Variants in PIWIL4 observed in about 807,000 individuals in gnomAD.
The protein encoded by PIWIL4 is piwi-like protein 4.
A neutral mutation model predicts 100.9 loss-of-function variants in PIWIL4; 50 were observed. The observed-to-expected ratio is 0.50, with a 90% CI of 0.39 to 0.63. The LOEUF is 0.63. PIWIL4 is among the 20% of genes least tolerant of loss of function. The pLI is 0.00. For missense variants in PIWIL4, 887 were observed against 1,043.3 expected, an observed-to-expected ratio of 0.85 and a Z score of 2.06; for synonymous variants, 342 against 367.5, an observed-to-expected ratio of 0.93 and a Z score of 0.79.
intron 11 of PIWIL4, among the ~76,000 whole-genome samples, chr11:94,600,567 C>T (rs766762809): frequency 7.9e-5 from 12 of 152,048 alleles, no homozygotes; most frequent in Non-Finnish European, 1.5e-4. Flanking sequence ...ATCACAGGAC[C>T]GGGCGAAATT....
At chr11:94,597,744 C>T (rs549157088) in intron 10 of PIWIL4, 60 bp from the exon 11 acceptor site, 40 of 1,228,408 alleles carry the variant, frequency 3.3e-5, no homozygotes, top group African/African-American at 4.6e-5. Context: ...CAGCCCCTGA[C>T]GAATTCAGTA....
At chr11:94,575,227 C>A in intron 3 of PIWIL4, 97 bp downstream of exon 3, 1 of 1,263,746 alleles carries the variant, frequency 7.9e-7, no homozygotes, top group Non-Finnish European at 1.1e-6. Context: ...CATATGTTTG[C>A]TTAACAGATA....
chr11:94,611,172 T>C (rs1424920183), intron 15 of PIWIL4, among the ~76,000 whole-genome samples: 1 of 152,218 alleles, frequency 6.6e-6, no homozygotes. Context: ...TTGATTATTA[T>C]GGCTTTGTAA....
intron 4 of PIWIL4, among the ~76,000 whole-genome samples, chr11:94,578,335 A>G (rs1250888904): frequency 6.6e-6 from 1 of 152,242 alleles, no homozygotes; most frequent in Non-Finnish European, 1.5e-5. Context: ...CAAGCGTTGA[A>G]TGGAAAGTTT....
intron 2 of PIWIL4, among the ~76,000 whole-genome samples, chr11:94,569,365 GTT>G (rs201730286): frequency 0.013 from 1,886 of 147,724 alleles, 42 homozygotes; most frequent in African/African-American, 0.045. Context: ...ATTATCTTTT[GTT>G]TTTTTTTTTT....
rs1948644252 is a variant in PIWIL4, at chr11:94,601,681, A to G, written c.1381-114A>G. On this transcript the variant is annotated intron_variant, in intron 11 of 19. Transcript: ENST00000299001. ...GCCTGCATCTGTGTTTTAAGACTGAATAGCAAACTGTGTTAAACAGTTATA... is the reference window on the plus strand; with the variant it reads ...GCCTGCATCTGTGTTTTAAGACTGAGTAGCAAACTGTGTTAAACAGTTATA... The G allele has an allele frequency of 3.0e-6, 3 of 1,012,798 alleles. No homozygotes were observed. The South Asian group carries it at 4.0e-5, about 13-fold the overall frequency. The allele number at this position is 1,012,798 out of a possible 1,614,324, so 62.7% of individuals were successfully genotyped here.
At position 94,619,814 on chromosome 11, in the gene PIWIL4, C is replaced by T. The variant is rs561220038; in HGVS notation, c.2223C>T (p.Thr741=). 20 of 1,614,082 alleles carry T rather than the reference C, an allele frequency of 1.2e-5. No individual in the cohort carries two copies. Among genetic ancestry groups the T allele is most frequent in the Middle Eastern group, 1.6e-4 (1 of 6,062 alleles). The change falls in exon 18 of 20, where the codon ACC becomes ACT. Residue 741 remains threonine, a synonymous_variant. Transcript: ENST00000299001. ...AGAAGTGCATGCCACGATTCTTTAC[C>T]GAAATGAACCGCACTGTACAGAACC... ...VRKKCMPRFF[T]EMNRTVQNPP... is the part of the protein sequence containing the mutation.
At position 94,589,102 on chromosome 11, in the gene PIWIL4, G is replaced by A. The variant is rs769777036; in HGVS notation, c.915-19G>A. On this transcript the variant is annotated intron_variant, in intron 7 of 19. Coordinates refer to ENST00000299001, the MANE Select transcript of PIWIL4 (RefSeq NM_152431.3). ...TTAGATGATTAAAAAACAATTTAAA[G>A]ACTTTTTATATTTGGCAGATACAAT... is the stretch of plus-strand genomic sequence containing the variant. 2.4e-5 allele frequency: 38 copies of A among 1,557,338 alleles called. No homozygotes were observed. Among genetic ancestry groups the A allele is most frequent in the Non-Finnish European group, 3.0e-5 (34 of 1,132,204 alleles).
chr11:94,595,752 A>G (rs1216980434), intron 10 of PIWIL4, among the ~76,000 whole-genome samples: 1 of 152,236 alleles, frequency 6.6e-6, no homozygotes, highest in East Asian at 1.9e-4. Flanking sequence ...CAAGCAAACA[A>G]AGCAACCAGA....
chr11:94,578,579 G>A (rs1364190905), intron 4 of PIWIL4, among the ~76,000 whole-genome samples: 1 of 152,066 alleles, frequency 6.6e-6, no homozygotes, highest in Non-Finnish European at 1.5e-5. Flanking sequence ...TTTCTTTGGG[G>A]CATTGTTCCC....
chr11:94,576,864 G>A (rs1395485362), intron 3 of PIWIL4, among the ~76,000 whole-genome samples: 3 of 152,200 alleles, frequency 2.0e-5, no homozygotes, highest in Non-Finnish European at 4.4e-5. Context: ...GAGGTTGGGG[G>A]TTGTATATTC....
intron 5 of PIWIL4, among the ~76,000 whole-genome samples, 200 bp from the exon 6 acceptor site, chr11:94,585,245 A>C (rs958597150): frequency 1.3e-5 from 2 of 152,246 alleles, no homozygotes; most frequent in Non-Finnish European, 2.9e-5. Context: ...TTTCAGTTGT[A>C]GTATTCTCAA....
At chr11:94,603,438 G>A (rs1178358089) in intron 12 of PIWIL4, among the ~76,000 whole-genome samples, 1 of 152,194 alleles carries the variant, frequency 6.6e-6, no homozygotes, top group African/African-American at 2.4e-5. Context: ...ACAGATAATT[G>A]TTAAGTACTT....
Position 94,567,613 on chromosome 11 carries a change from G to C in PIWIL4, c.87+8G>C. ...ATCCAAGCCTCGCCATTGGTGTGTAGAATGCTTATTGCGCATGGTTTCGTT... is the reference window on the plus strand; with the variant it reads ...ATCCAAGCCTCGCCATTGGTGTGTACAATGCTTATTGCGCATGGTTTCGTT... On this transcript the variant is annotated splice_region_variant and intron_variant, in intron 1 of 19. Transcript: ENST00000299001. The C allele has an allele frequency of 6.3e-7, 1 of 1,593,320 alleles. No homozygotes were observed.
Position 94,607,471 on chromosome 11 carries a change from C to T in PIWIL4, c.1671C>T (p.Thr557=), listed in dbSNP as rs1255084121. The stretch of plus-strand genomic sequence containing the variant: ...GCATTCTGCCTTCTAATCAGAAGAC[C>T]TATTATGATTCCATTAAAAAATATT... ...VMCILPSNQK[T]YYDSIKKYLS... The change falls in exon 14 of 20, where the codon ACC becomes ACT. Residue 557 remains threonine (T), a synonymous_variant. Coordinates refer to ENST00000299001, the MANE Select transcript of PIWIL4 (RefSeq NM_152431.3). The T allele has an allele frequency of 1.9e-6, 3 of 1,613,590 alleles. No individual in the cohort carries two copies. The highest frequency in any genetic ancestry group is 2.7e-5 in the African/African-American group (2 of 74,800).
intron 6 of PIWIL4, among the ~76,000 whole-genome samples, chr11:94,586,644 T>G (rs35465695): frequency 6.6e-6 from 1 of 152,110 alleles, no homozygotes; most frequent in Non-Finnish European, 1.5e-5. Context: ...GCAGGGACAT[T>G]TCCCCCCCCT....
chr11:94,604,880 C>G (rs1283175303), intron 13 of PIWIL4, among the ~76,000 whole-genome samples: 3 of 152,122 alleles, frequency 2.0e-5, no homozygotes, highest in Non-Finnish European at 4.4e-5. Flanking sequence ...CTCTTTTACT[C>G]TAAAGGATCT....
At chr11:94,580,100 C>T (rs1324564062) in intron 4 of PIWIL4, among the ~76,000 whole-genome samples, 1 of 152,078 alleles carries the variant, frequency 6.6e-6, no homozygotes, top group Non-Finnish European at 1.5e-5. Context: ...GGAATGGAGC[C>T]TAATAAGGGG....
chr11:94,605,074 A>G (rs1172565784), intron 13 of PIWIL4, among the ~76,000 whole-genome samples: 3 of 152,246 alleles, frequency 2.0e-5, no homozygotes, highest in African/African-American at 7.2e-5. Context: ...CTATTTGAGC[A>G]TAAGTTACAG....
Sources: allele counts gnomAD v4.1 joint callset (sites outside exome capture counted in the v4.1 genomes callset), GRCh38; gene constraint gnomAD v4.1.1; transcripts MANE v1.5; gene names NCBI Gene and HGNC (gene_info 2026-07-23, HGNC 2026-07-21).